Variants in SLC2A9 observed in about 807,000 individuals in gnomAD.
SLC2A9 encodes the protein solute carrier family 2, facilitated glucose transporter member 9.
A neutral mutation model predicts 50.6 loss-of-function variants in SLC2A9; 39 were observed. That is an observed-to-expected ratio of 0.77 (90% CI 0.60 to 1.01). The LOEUF (loss-of-function observed/expected upper bound fraction) is 1.01, where lower values mean the gene tolerates loss of function less well. Ranked by LOEUF, SLC2A9 falls within the 50% of genes least tolerant of loss-of-function variation. SLC2A9 has a pLI of 0.00. For synonymous variants in SLC2A9, 324 were observed against 276.9 expected (o/e 1.17, Z -1.69); for missense variants, 686 against 677.6 (o/e 1.01, Z -0.14).
intron 8 of SLC2A9, among the ~76,000 whole-genome samples, chr4:9,907,253 C>T (rs1740851896): frequency 6.6e-6 from 1 of 152,232 alleles, no homozygotes; most frequent in Non-Finnish European, 1.5e-5. Flanking sequence ...AGAAGAGACA[C>T]AAGCATTTCA....
chr4:9,939,390 TA>T lies in SLC2A9; in HGVS notation c.814+2522del, dbSNP rs1747712066. ...GTTTTGTTATGCAGCATTATTACAG[TA>T]ATAGTTGACTAACACAGGGCCTCTT... On this transcript the variant is annotated intron_variant, in intron 6 of 11. Transcript: ENST00000264784. Among the ~76,000 whole-genome samples the T allele has an allele frequency of 2.6e-5, 4 of 152,188 alleles. No homozygotes were observed. The South Asian group carries it at 8.3e-4, about 31-fold the overall frequency.
At chr4:9,950,468 T>C (rs1449851800) in intron 5 of SLC2A9, among the ~76,000 whole-genome samples, 2 of 152,206 alleles carry the variant, frequency 1.3e-5, no homozygotes, top group African/African-American at 4.8e-5. Flanking sequence ...GTCCTCTGCC[T>C]TGCTTGGTTC....
chr4:9,951,387 G>C (rs13101688), intron 5 of SLC2A9, among the ~76,000 whole-genome samples: 8,788 of 152,078 alleles, frequency 0.058, 591 homozygotes, highest in East Asian at 0.38. Context: ...GGTATAAAAA[G>C]GAATAAATCC....
chr4:9,937,733 A>G (rs754301409), intron 6 of SLC2A9, among the ~76,000 whole-genome samples: 12 of 152,194 alleles, frequency 7.9e-5, no homozygotes, highest in Non-Finnish European at 1.8e-4. Flanking sequence ...GCCTCCAGGT[A>G]AGGCCACCAC....
Position 9,826,532 on chromosome 4 carries a change from A to G in SLC2A9, c.1488T>C (p.Tyr496=). Residue 496 remains tyrosine, a synonymous_variant, in exon 12 of 12, where the codon TAT becomes TAC. Transcript: ENST00000264784. ...TGTTTTTGGTCTCAGGCAGCACAAAATACAGGTAGATAGCACCTGTGATAC... is the reference window on the plus strand; with the variant it reads ...TGTTTTTGGTCTCAGGCAGCACAAAGTACAGGTAGATAGCACCTGTGATAC... The part of the protein sequence containing the change: ...TICITGAIYL[Y]FVLPETKNRT... 1 of 1,614,116 alleles carries G rather than the reference A, an allele frequency of 6.2e-7. No individual in the cohort carries two copies. Among genetic ancestry groups the G allele is most frequent in the Non-Finnish European group, 8.5e-7 (1 of 1,179,976 alleles).
At chr4:9,890,854 C>T (rs1316304314) in intron 8 of SLC2A9, 143 bp from the exon 9 acceptor site, 1 of 725,094 alleles carries the variant, frequency 1.4e-6, no homozygotes, top group East Asian at 2.7e-5. Context: ...TCTTTATGGC[C>T]ACAGCCCTGA....
chr4:9,887,802 TA>T, intron 9 of SLC2A9, among the ~76,000 whole-genome samples, 160 bp from the exon 10 acceptor site: 1 of 152,278 alleles, frequency 6.6e-6, no homozygotes, highest in Non-Finnish European at 1.5e-5. Context: ...GGAACAATGA[TA>T]ACCCTTCGGT....
At chr4:9,889,596 C>T (rs987290592) in intron 9 of SLC2A9, among the ~76,000 whole-genome samples, 5 of 152,322 alleles carry the variant, frequency 3.3e-5, no homozygotes, top group Admixed American at 3.3e-4. Flanking sequence ...TGCTTGCCAG[C>T]CCCACCTCTT....
At chr4:9,931,026 C>G (rs1466796809) in intron 6 of SLC2A9, among the ~76,000 whole-genome samples, 1 of 152,162 alleles carries the variant, frequency 6.6e-6, no homozygotes, top group Non-Finnish European at 1.5e-5. Context: ...GAGCTGATAC[C>G]TCCAGTTTAA....
intron 3 of SLC2A9, among the ~76,000 whole-genome samples, chr4:9,813,123 A>T (rs538122061): frequency 7.2e-5 from 11 of 152,332 alleles, no homozygotes; most frequent in Admixed American, 5.2e-4. Flanking sequence ...AGTAAGAGGC[A>T]GTATCAGAAT....
intron 2 of SLC2A9, among the ~76,000 whole-genome samples, chr4:10,018,565 T>TAGATAGAC (rs1763030809): frequency 6.7e-6 from 1 of 150,374 alleles, no homozygotes; most frequent in Non-Finnish European, 1.5e-5. Context: ...GATAGATAGA[T>TAGATAGAC]AGATAGATAG....
At chr4:10,021,197 G>T in intron 1 of SLC2A9, 83 bp downstream of exon 1, 2 of 1,443,216 alleles carry the variant, frequency 1.4e-6, no homozygotes, top group Non-Finnish European at 1.9e-6. Flanking sequence ...GCCAGGCTGG[G>T]GCTGAGCACT....
chr4:9,998,360 C>G (rs1267776045), intron 2 of SLC2A9, among the ~76,000 whole-genome samples: 5 of 152,190 alleles, frequency 3.3e-5, no homozygotes, highest in Admixed American at 2.6e-4. Context: ...TTTAAATCAG[C>G]TGAACCTTGG....
At chr4:10,003,884 G>C (rs1323674863) in intron 2 of SLC2A9, among the ~76,000 whole-genome samples, 1 of 152,140 alleles carries the variant, frequency 6.6e-6, no homozygotes, top group Non-Finnish European at 1.5e-5. Flanking sequence ...CTAAGAACTG[G>C]AGGCATACTG....
intron 7 of SLC2A9, among the ~76,000 whole-genome samples, chr4:9,911,580 C>G (rs184663216): frequency 1.3e-5 from 2 of 152,224 alleles, no homozygotes; most frequent in Admixed American, 1.3e-4. Context: ...CTAGCCTCCC[C>G]GTGCAGCGTG....
intron 10 of SLC2A9, among the ~76,000 whole-genome samples, chr4:9,857,517 G>T (rs181315906): frequency 1.3e-5 from 2 of 152,286 alleles, no homozygotes; most frequent in South Asian, 4.2e-4. Flanking sequence ...TCCACCTGCC[G>T]GCTGGCATCC....
chr4:9,931,125 C>G (rs181658363), intron 6 of SLC2A9, among the ~76,000 whole-genome samples: 28 of 152,304 alleles, frequency 1.8e-4, no homozygotes, highest in Non-Finnish European at 3.5e-4. Context: ...TGGAAGGTAA[C>G]TCTCTCAGAG....
In SLC2A9 at chr4:9,935,948, T is replaced by A. The variant is rs140904590; in HGVS notation, c.814+5965A>T. Among the ~76,000 whole-genome samples, 46 of 152,324 alleles carry A rather than the reference T, an allele frequency of 3.0e-4. 1 individual carries two copies. The Middle Eastern group carries it at 0.017, about 56-fold the overall frequency. On this transcript the variant is annotated intron_variant, in intron 6 of 11. Transcript: ENST00000264784. Reference sequence around the variant, plus strand: ...TAAGGGATTTTTGGGAGCTGTTGTGTCTGAACACACCAGGCACATCTGGGA... The same window carrying A: ...TAAGGGATTTTTGGGAGCTGTTGTGACTGAACACACCAGGCACATCTGGGA...
At chr4:10,020,990 G>A (rs1306418578) in intron 1 of SLC2A9, among the ~76,000 whole-genome samples, 1 of 152,222 alleles carries the variant, frequency 6.6e-6, no homozygotes, top group Non-Finnish European at 1.5e-5. Context: ...TGAGAAGAGG[G>A]ACACCACCAT....
Sources: allele counts gnomAD v4.1 joint callset (sites outside exome capture counted in the v4.1 genomes callset), GRCh38; gene constraint gnomAD v4.1.1; transcripts MANE v1.5; gene names NCBI Gene and HGNC (gene_info 2026-07-23, HGNC 2026-07-21).